The following CSMD2 variants were observed in gnomAD, a reference collection of about 807,000 sequenced individuals.
CSMD2 encodes the protein CUB and sushi domain-containing protein 2.
A neutral mutation model predicts 398.5 loss-of-function variants in CSMD2; 130 were observed. That is an observed-to-expected ratio of 0.33 (90% CI 0.28 to 0.38). The LOEUF is 0.38. Ranked by LOEUF, CSMD2 falls within the 10% of genes least tolerant of loss-of-function variation. The pLI, the probability that CSMD2 is intolerant of heterozygous loss-of-function variation, is 1.00. For missense variants in CSMD2, 3,829 were observed against 4,764.9 expected (o/e 0.80, Z 5.78); for synonymous variants, 1,828 against 1,908.5 (o/e 0.96, Z 1.10).
chr1:34,043,968 A>C (rs764865354), intron 2 of CSMD2, among the ~76,000 whole-genome samples: 2 of 152,166 alleles, frequency 1.3e-5, no homozygotes, highest in Non-Finnish European at 2.9e-5. Flanking sequence ...GACCTGTGTG[A>C]CTTTGCCAGA....
intron 25 of CSMD2, among the ~76,000 whole-genome samples, chr1:33,679,554 C>T (rs1259314388): frequency 1.3e-5 from 2 of 152,080 alleles, no homozygotes; most frequent in East Asian, 3.9e-4. Context: ...CCTCAATTTA[C>T]CCCCGTGTAA....
At chr1:34,003,509 T>C (rs1646964786) in intron 3 of CSMD2, among the ~76,000 whole-genome samples, 1 of 152,142 alleles carries the variant, frequency 6.6e-6, no homozygotes, top group African/African-American at 2.4e-5. Flanking sequence ...TAATAATAGC[T>C]ACCATTTATT....
intron 3 of CSMD2, among the ~76,000 whole-genome samples, chr1:33,995,359 C>T (rs1014834778): frequency 1.3e-5 from 2 of 152,190 alleles, no homozygotes; most frequent in Non-Finnish European, 2.9e-5. Context: ...TGCAGGACTA[C>T]GACACTGTCA....
intron 49 of CSMD2, among the ~76,000 whole-genome samples, chr1:33,573,066 T>G (rs2487749): frequency 6.6e-6 from 1 of 151,952 alleles, no homozygotes; most frequent in Non-Finnish European, 1.5e-5. Flanking sequence ...TCTCTTAGGA[T>G]GAATTAGGGC....
At chr1:34,119,896 G>T (rs1414121790) in intron 1 of CSMD2, among the ~76,000 whole-genome samples, 1 of 152,178 alleles carries the variant, frequency 6.6e-6, no homozygotes, top group Admixed American at 6.5e-5. Context: ...ATTACCATCT[G>T]ATTCAACAAC....
chr1:33,975,486 T>TACACACACACACACACAC (rs57095754), intron 3 of CSMD2, among the ~76,000 whole-genome samples: 3,398 of 146,380 alleles, frequency 0.023, 54 homozygotes, highest in African/African-American at 0.035. Flanking sequence ...CTCCCAAGTG[T>TACACACACACACACACAC]ACACACACAC....
chr1:34,114,815 T>C (rs548052756), intron 1 of CSMD2, among the ~76,000 whole-genome samples: 60 of 152,324 alleles, frequency 3.9e-4, no homozygotes, highest in African/African-American at 1.4e-3. Flanking sequence ...AAGCTCAATG[T>C]GCTACAAGAG....
At chr1:33,903,613 A>G (rs891454584) in intron 5 of CSMD2, among the ~76,000 whole-genome samples, 4 of 152,104 alleles carry the variant, frequency 2.6e-5, no homozygotes, top group Non-Finnish European at 5.9e-5. Context: ...AAACAAACCA[A>G]CCTTGGATAC....
At position 33,601,004 on chromosome 1, in the gene CSMD2, C is replaced by T. The variant is rs771598477; in HGVS notation, c.6717G>A (p.Gly2239=). Residue 2239 remains glycine (G), a synonymous_variant, in exon 44 of 71, where the codon GGG becomes GGA. Coordinates refer to ENST00000373381, the MANE Select transcript of CSMD2 (RefSeq NM_001281956.2). ...CGAGCCGTGGTGCTGTTTGCTGTGG[C>T]CCATCCCTGTACACAGGAAACAAGG... ...PSGDFITIWD[G]PQQTAPRLGV... 12 of 1,614,154 alleles carry T rather than the reference C, an allele frequency of 7.4e-6. 1 individual carries two copies. The Admixed American group carries it at 2.0e-4, about 27-fold the overall frequency.
At chr1:33,609,481 G>A (rs1013776399) in intron 41 of CSMD2, among the ~76,000 whole-genome samples, 2 of 152,172 alleles carry the variant, frequency 1.3e-5, no homozygotes, top group African/African-American at 4.8e-5. Context: ...ACAGGTACAT[G>A]TAGCATACAT....
At chr1:34,000,569 T>C (rs1646869144) in intron 3 of CSMD2, among the ~76,000 whole-genome samples, 1 of 152,150 alleles carries the variant, frequency 6.6e-6, no homozygotes, top group Non-Finnish European at 1.5e-5. Context: ...ACACTATTCT[T>C]TGGCAAATAT....
chr1:33,826,856 T>C (rs1369411862), intron 6 of CSMD2, among the ~76,000 whole-genome samples: 1 of 152,180 alleles, frequency 6.6e-6, no homozygotes, highest in Admixed American at 6.5e-5. Flanking sequence ...GGTGCCATCT[T>C]CCAGCTGGCC....
chr1:33,624,616 C>A lies in CSMD2; in HGVS notation c.5528G>T (p.Arg1843Leu), dbSNP rs757815185. ...VVPCGGNLTE[R>L]RGTILSPGFP... The stretch of plus-strand genomic sequence containing the variant: ...GCCAGGGGACAGGATGGTGCCCCTG[C>A]GCTCTGTGAGGTTGCCTCCACACGG... The change falls in exon 35 of 71, where the codon CGC (arginine) becomes CTC (leucine). Residue 1843 changes from arginine (R) to leucine (L), a missense_variant. Coordinates refer to ENST00000373381, the MANE Select transcript of CSMD2 (RefSeq NM_001281956.2). The surrounding 1 kb of genome is among the most constrained non-coding windows in gnomAD (Gnocchi z 4.7). The A allele has an allele frequency of 8.1e-6, 13 of 1,613,746 alleles. No individual in the cohort carries two copies. Among genetic ancestry groups the A allele is most frequent in the Non-Finnish European group, 1.1e-5 (13 of 1,179,788 alleles).
intron 5 of CSMD2, among the ~76,000 whole-genome samples, chr1:33,866,925 A>G (rs1305077444): frequency 1.3e-5 from 2 of 152,210 alleles, no homozygotes; most frequent in Admixed American, 6.5e-5. Context: ...AATACATGTA[A>G]AAGTATTTGG....
chr1:34,037,472 C>T (rs1651291216), intron 2 of CSMD2, among the ~76,000 whole-genome samples: 1 of 150,832 alleles, frequency 6.6e-6, no homozygotes, highest in Non-Finnish European at 1.5e-5. Context: ...TGACATCATC[C>T]CATTGTACCC....
At chr1:33,868,720 A>G (rs530222645) in intron 5 of CSMD2, among the ~76,000 whole-genome samples, 5 of 146,710 alleles carry the variant, frequency 3.4e-5, no homozygotes, top group African/African-American at 1.0e-4. Flanking sequence ...TGGGTGACAG[A>G]GTGAGACTCC....
intron 12 of CSMD2, among the ~76,000 whole-genome samples, chr1:33,777,537 G>C (rs1171721938): frequency 6.6e-6 from 1 of 152,226 alleles, no homozygotes; most frequent in East Asian, 1.9e-4. Context: ...CTTCTGGTCA[G>C]GTGCTGACCA....
intron 19 of CSMD2, among the ~76,000 whole-genome samples, chr1:33,723,529 T>C (rs1011716112): frequency 6.6e-6 from 1 of 152,210 alleles, no homozygotes; most frequent in Non-Finnish European, 1.5e-5. Context: ...AATATATTAA[T>C]TAACATTTAT....
chr1:33,633,433 C>T lies in CSMD2; in HGVS notation c.5189G>A (p.Gly1730Asp). The T allele has an allele frequency of 6.4e-7, 1 of 1,551,706 alleles. No individual in the cohort carries two copies. Among genetic ancestry groups the T allele is most frequent in the Non-Finnish European group, 8.7e-7 (1 of 1,147,192 alleles). The change falls in exon 32 of 71, where the codon GGC (glycine) becomes GAC (aspartate). Residue 1730 changes from glycine (G) to aspartate (D), a missense_variant. Transcript: ENST00000373381. The surrounding 1 kb of genome is among the most constrained non-coding windows in gnomAD (Gnocchi z 5.0). ...QHSRLLSSLS[G>D]SHTGESLPLA... is the part of the protein sequence containing the mutation. ...CGAGCCCCGGATACCTGTATGGGAG[C>T]CCGAGAGGGAGCTGAGGAGCCGCGA...
Sources: gnomAD v4.1 joint callset for allele counts (sites outside exome capture counted in the v4.1 genomes callset) on GRCh38, gnomAD v4.1.1 for gene constraint, Gnocchi (gnomAD v3.1) non-coding constraint, MANE v1.5 for transcripts, NCBI Gene and HGNC (gene_info 2026-07-23, HGNC 2026-07-21) for gene names.